C16orf92: variants seen among roughly 807,000 people sequenced by gnomAD.
C16orf92 encodes the protein fertilization-influencing membrane protein 1.
C16orf92 carries 14 observed loss-of-function variants against 13.7 expected under a neutral mutation model. The ratio of observed to expected loss-of-function variants is 1.02; its 90% CI spans 0.67 to 1.60. C16orf92 has a LOEUF of 1.60. Ranked by LOEUF, C16orf92 falls within the 40% of genes most tolerant of loss-of-function variation. The pLI, the probability that C16orf92 is intolerant of heterozygous loss-of-function variation, is 0.00. For synonymous variants in C16orf92, 50 were observed against 57.4 expected, an observed-to-expected ratio of 0.87 and a Z score of 0.58; for missense variants, 116 against 139.0, an observed-to-expected ratio of 0.83 and a Z score of 0.83.
chr16:30,023,936 G>C (rs768867029), intron 2 of C16orf92, 51 bp downstream of exon 2: 8 of 1,593,538 alleles, frequency 5.0e-6, no homozygotes, highest in Middle Eastern at 1.7e-4. Flanking sequence ...GTCTGGAGGA[G>C]AGCAGCCCCA....
downstream of C16orf92, chr16:30,025,192 G>C (rs1474067392): frequency 6.8e-7 from 1 of 1,473,178 alleles, no homozygotes; most frequent in Non-Finnish European, 8.9e-7. This position sits in a 1 kb window ranked among gnomAD's most constrained non-coding sequence, Gnocchi z 4.1. Context: ...CTCAGTCCTG[G>C]GCCTGGCAGG....
Position 30,024,018 on chromosome 16 carries a change from C to T in C16orf92, c.243C>T (p.Phe81=), listed in dbSNP as rs1052410213. 6.2e-7 allele frequency: 1 copy of T among 1,613,834 alleles called. No individual in the cohort carries two copies. The highest frequency in any genetic ancestry group is 8.5e-7 in the Non-Finnish European group (1 of 1,179,810). The change falls in exon 3 of 4, where the codon TTC becomes TTT. Residue 81 remains phenylalanine, a synonymous_variant. Transcript: ENST00000681219. ...TAGCAGGTTCCAGCCCCGGGCTCTT[C>T]CATCACATCCTGGTGGGCTTGCTGG... ...FINSGSSPGL[F]HHILVGLLVV...
Position 30,023,261 on chromosome 16 carries a change from C to G in C16orf92, c.-80C>G. 2 of 1,336,638 alleles carry G rather than the reference C, an allele frequency of 1.5e-6. No individual in the cohort carries two copies. The highest frequency in any genetic ancestry group is 2.1e-6 in the Non-Finnish European group (2 of 954,548). The allele number at this position is 1,336,638 out of a possible 1,614,324, so 82.8% of individuals were successfully genotyped here. On this transcript the variant is annotated 5_prime_UTR_variant, in exon 1 of 4. Transcript: ENST00000681219. ...GGGGGAGGGGTCCCAGCTCCTAGCA[C>G]TTTCTCCCCTCACCCCAAAGTGCCA... is the stretch of plus-strand genomic sequence containing the variant.
downstream of C16orf92, chr16:30,025,523 C>A: frequency 6.3e-7 from 1 of 1,599,854 alleles, no homozygotes; most frequent in Non-Finnish European, 8.5e-7. This position sits in a 1 kb window ranked among gnomAD's most constrained non-coding sequence, Gnocchi z 4.1. Flanking sequence ...CCCCCCTTGG[C>A]CCTCTCCCTG....
downstream of C16orf92, chr16:30,025,303 G>T: frequency 6.4e-7 from 1 of 1,559,802 alleles, no homozygotes; most frequent in Non-Finnish European, 8.7e-7. The surrounding 1 kb of genome is among the most constrained non-coding windows in gnomAD (Gnocchi z 4.1). Context: ...CAGCGCCCAG[G>T]TTGACGTGGG....
Position 30,023,388 on chromosome 16 carries a change from AG to A in C16orf92, c.52del (p.Ala18ProfsTer2). The A allele has an allele frequency of 1.2e-6, 2 of 1,611,356 alleles. No individual in the cohort carries two copies. Among genetic ancestry groups the A allele is most frequent in the Non-Finnish European group, 8.5e-7 (1 of 1,179,076 alleles). On this transcript the variant is annotated frameshift_variant, in exon 1 of 4. Coordinates refer to ENST00000681219, the MANE Select transcript of C16orf92 (RefSeq NM_001109659.2). LOFTEE classifies it high-confidence loss of function. ...VLVWVWLAAL[G>X]AIETAPRPKR... ...TGGTGTGGGTGTGGCTGGCTGCACT[AG>A]GGGCCATAGAAACTGGTAAGAAGCT... is the stretch of plus-strand genomic sequence containing the variant.
Position 30,024,551 on chromosome 16 carries a change from C to T in C16orf92, c.*324C>T, listed in dbSNP as rs540394123. On this transcript the variant is annotated 3_prime_UTR_variant, in exon 4 of 4. Transcript: ENST00000681219. Reference sequence around the variant, plus strand: ...AGGGACATGGCAGGGCCCGAGGGCGCGATGTGCAGCCGATGGTGAGGGACT... The same window carrying T: ...AGGGACATGGCAGGGCCCGAGGGCGTGATGTGCAGCCGATGGTGAGGGACT... 6 of 399,246 alleles carry T rather than the reference C, an allele frequency of 1.5e-5. No homozygotes were observed. Among genetic ancestry groups the T allele is most frequent in the South Asian group, 9.4e-5 (2 of 21,262 alleles). 24.7% of individuals were successfully genotyped at this position (399,246 alleles called of 1,614,324 possible).
At chr16:30,026,771 G>A (rs2071160634), downstream of C16orf92, 1 of 1,614,078 alleles carries the variant, frequency 6.2e-7, no homozygotes, top group Admixed American at 1.7e-5. Flanking sequence ...GCCAGTGACA[G>A]AGGAACATGG....
downstream of C16orf92, among the ~76,000 whole-genome samples, chr16:30,026,428 C>A (rs1480526320): frequency 2.0e-5 from 3 of 152,148 alleles, no homozygotes; most frequent in Non-Finnish European, 4.4e-5. Flanking sequence ...GCTGCCCCCA[C>A]ACCCTGGTGC....
downstream of C16orf92, chr16:30,025,208 G>A (rs2150971440): frequency 6.7e-7 from 1 of 1,492,362 alleles, no homozygotes; most frequent in East Asian, 2.5e-5. This position sits in a 1 kb window ranked among gnomAD's most constrained non-coding sequence, Gnocchi z 4.1. Flanking sequence ...GCAGGCCGGG[G>A]GCGGCCGGGA....
rs770267565 is a variant in C16orf92, at chr16:30,024,251, T to A, written c.*24T>A. On this transcript the variant is annotated 3_prime_UTR_variant, in exon 4 of 4. Transcript: ENST00000681219. ...AAAGAGCCGGACAAGGGCTCTGGAC[T>A]CAACCTGAGCACCCACACCCACCTC... The A allele has an allele frequency of 1.3e-5, 21 of 1,611,606 alleles. No individual in the cohort carries two copies. The highest frequency in any genetic ancestry group is 1.7e-5 in the Non-Finnish European group (20 of 1,177,940).
At chr16:30,027,142 A>G (rs995165835), downstream of C16orf92, 1 of 515,458 alleles carries the variant, frequency 1.9e-6, no homozygotes, top group African/African-American at 1.9e-5. Context: ...AAAGGCACAG[A>G]TACAGTGCCA....
In C16orf92 at chr16:30,024,311, C is replaced by A. The variant is rs76298536; in HGVS notation, c.*84C>A. On this transcript the variant is annotated 3_prime_UTR_variant, in exon 4 of 4. Coordinates refer to ENST00000681219, the MANE Select transcript of C16orf92 (RefSeq NM_001109659.2). ...TGATGAGCAAAAGTTCCCTGCTTTC[C>A]TCCTCCCTGACTGCCCAGCGAGCAG... 8 of 1,522,856 alleles carry A rather than the reference C, an allele frequency of 5.3e-6. No homozygotes were observed. The highest frequency in any genetic ancestry group is 7.2e-6 in the Non-Finnish European group (8 of 1,106,422). 94.3% of individuals were successfully genotyped at this position (1,522,856 alleles called of 1,614,324 possible). A position where few individuals can be genotyped will look rare whatever the true frequency, so the allele number is the denominator to read the frequency against.
At chr16:30,025,806 T>C, downstream of C16orf92, 1 of 1,613,892 alleles carries the variant, frequency 6.2e-7, no homozygotes, top group Non-Finnish European at 8.5e-7. The surrounding 1 kb of genome is among the most constrained non-coding windows in gnomAD (Gnocchi z 4.1). Flanking sequence ...AAGTCTCCCT[T>C]ACCCTGTCGC....
At chr16:30,023,427 G>A in intron 1 of C16orf92, 23 bp downstream of exon 1, 3 of 1,606,576 alleles carry the variant, frequency 1.9e-6, no homozygotes, top group Non-Finnish European at 1.7e-6. Flanking sequence ...CTTGGGAGCA[G>A]CAGGAAGGCA....
In C16orf92 at chr16:30,023,843, G is replaced by T. The variant is rs1433302429; in HGVS notation, c.181G>T (p.Ala61Ser). 3 of 1,613,986 alleles carry T rather than the reference G, an allele frequency of 1.9e-6. No homozygotes were observed. Among genetic ancestry groups the T allele is most frequent in the Non-Finnish European group, 2.5e-6 (3 of 1,179,976 alleles). The change falls in exon 2 of 4, where the codon GCC (alanine) becomes TCC (serine). Residue 61 changes from alanine (A) to serine (S), a missense_variant. Ala to Ser is a moderately conservative substitution (Grantham distance 99, BLOSUM62 1). Coordinates refer to ENST00000681219, the MANE Select transcript of C16orf92 (RefSeq NM_001109659.2). ...AGACCAAGCCAGGCTGCTGGCTGTGGCCCAGTTTATTGGAGAGAAACCCAT... is the reference window on the plus strand; with the variant it reads ...AGACCAAGCCAGGCTGCTGGCTGTGTCCCAGTTTATTGGAGAGAAACCCAT... ...DSDQARLLAVAQFIGEKPIVF... is the reference protein window; with the variant it reads ...DSDQARLLAVSQFIGEKPIVF...
rs549296691 is a variant in C16orf92, at chr16:30,023,260, A to G, written c.-81A>G. 57 of 1,298,522 alleles carry G rather than the reference A, an allele frequency of 4.4e-5. No homozygotes were observed. The highest frequency in any genetic ancestry group is 6.1e-5 in the Non-Finnish European group (56 of 920,178). 80.4% of individuals were successfully genotyped at this position (1,298,522 alleles called of 1,614,324 possible). On this transcript the variant is annotated 5_prime_UTR_variant, in exon 1 of 4. Transcript: ENST00000681219. Reference sequence around the variant, plus strand: ...TGGGGGAGGGGTCCCAGCTCCTAGCACTTTCTCCCCTCACCCCAAAGTGCC... The same window carrying G: ...TGGGGGAGGGGTCCCAGCTCCTAGCGCTTTCTCCCCTCACCCCAAAGTGCC...
In C16orf92 at chr16:30,024,583, C is replaced by T. The variant is rs1596725505; in HGVS notation, c.*356C>T. On this transcript the variant is annotated 3_prime_UTR_variant, in exon 4 of 4. Coordinates refer to ENST00000681219, the MANE Select transcript of C16orf92 (RefSeq NM_001109659.2). ...CAGCCGATGGTGAGGGACTGGGCGC[C>T]CTCGCCTGCCCCCGGGGTTGTCAGC... 1 of 324,358 alleles carries T rather than the reference C, an allele frequency of 3.1e-6. No individual in the cohort carries two copies. The highest frequency in any genetic ancestry group is 5.7e-5 in the East Asian group (1 of 17,622). The allele number at this position is 324,358 out of a possible 1,614,324, so 20.1% of individuals were successfully genotyped here.
At chr16:30,025,362 C>T (rs1237473872), downstream of C16orf92, 4 of 1,601,394 alleles carry the variant, frequency 2.5e-6, no homozygotes, top group Non-Finnish European at 3.4e-6. The surrounding 1 kb of genome is among the most constrained non-coding windows in gnomAD (Gnocchi z 4.1). Flanking sequence ...GCATGGCGCC[C>T]GTAGGCCCAG....
Sources: gnomAD v4.1 joint callset for allele counts (sites outside exome capture counted in the v4.1 genomes callset) on GRCh38, gnomAD v4.1.1 for gene constraint, Gnocchi (gnomAD v3.1) non-coding constraint, MANE v1.5 for transcripts, NCBI Gene and HGNC (gene_info 2026-07-23, HGNC 2026-07-21) for gene names.